MAP3K12: variants seen among roughly 807,000 people sequenced by gnomAD.
The protein encoded by MAP3K12 is mitogen-activated protein kinase kinase kinase 12.
Under a neutral mutation model 87.5 loss-of-function variants are expected in MAP3K12, and 14 were observed. The ratio of observed to expected loss-of-function variants is 0.16; its 90% CI spans 0.11 to 0.25. The LOEUF is 0.25. Ranked by LOEUF, MAP3K12 falls within the 10% of genes least tolerant of loss-of-function variation. MAP3K12 has a pLI of 1.00. For missense variants in MAP3K12, 802 were observed against 1,140.4 expected, an observed-to-expected ratio of 0.70 and a Z score of 4.27; for synonymous variants, 469 against 452.5, an observed-to-expected ratio of 1.04 and a Z score of -0.46.
At position 53,483,729 on chromosome 12, in the gene MAP3K12, A is replaced by G. The variant is rs1943144138; in HGVS notation, c.1359-6T>C. The G allele has an allele frequency of 6.2e-7, 1 of 1,613,758 alleles. No individual in the cohort carries two copies. The highest frequency in any genetic ancestry group is 1.7e-4 in the Middle Eastern group (1 of 5,814). On this transcript the variant is annotated splice_region_variant and splice_polypyrimidine_tract_variant and intron_variant, in intron 8 of 13. Transcript: ENST00000547488. ...CCCTGATGTCCAGGGCGTGTCTGCA[A>G]CGGGCAGAAAGGTTCCCCAAGGTGA...
chr12:53,492,092 G>A (rs1308835459), intron 1 of MAP3K12, among the ~76,000 whole-genome samples: 2 of 143,634 alleles, frequency 1.4e-5, no homozygotes, highest in African/African-American at 5.4e-5. Flanking sequence ...AAAAAAAAAA[G>A]AAGAAGAAGA....
At chr12:53,484,183 C>T in intron 7 of MAP3K12, 74 bp downstream of exon 7, 1 of 1,452,616 alleles carries the variant, frequency 6.9e-7, no homozygotes, top group South Asian at 1.2e-5. Flanking sequence ...ACCCATTTCC[C>T]AGCCTCCCCC....
chr12:53,499,224 C>T (rs1427514390), intron 1 of MAP3K12, among the ~76,000 whole-genome samples: 1 of 151,982 alleles, frequency 6.6e-6, no homozygotes, highest in African/African-American at 2.4e-5. Context: ...GCCGCGGCAT[C>T]CCTCCGCTCC....
intron 1 of MAP3K12, among the ~76,000 whole-genome samples, chr12:53,490,585 A>G (rs1217892606): frequency 6.6e-6 from 1 of 151,992 alleles, no homozygotes; most frequent in South Asian, 2.1e-4. Context: ...CTACTAAAAA[A>G]TACAAAAAAT....
upstream of MAP3K12, chr12:53,501,503 G>C (rs1449096811): frequency 6.4e-7 from 1 of 1,552,726 alleles, no homozygotes; most frequent in East Asian, 2.4e-5. Flanking sequence ...GAAAAGCGTG[G>C]GGCCGTGCGG....
rs1478579371 is a variant in MAP3K12, at chr12:53,486,177, C to T, written c.700G>A (p.Val234Ile). 3.1e-6 allele frequency: 5 copies of T among 1,613,974 alleles called. No homozygotes were observed. The Admixed American group carries it at 5.0e-5, about 16-fold the overall frequency. ...GTGACAGGGCGGCCAGCCCGCAGTA[C>T]CTCATACAGCTGGCCCTGGGCGCAG... is the stretch of plus-strand genomic sequence containing the variant. ...EFCAQGQLYE[V>I]LRAGRPVTPS... is the part of the protein sequence containing the mutation. The change falls in exon 4 of 14, where the codon GTA becomes ATA. Residue 234 changes from valine to isoleucine, a missense_variant. Around this residue, in one of 5 missense-constraint regions of MAP3K12, gnomAD observed 57 missense variants for 161.8 expected, o/e 0.35. Coordinates refer to ENST00000547488, the MANE Select transcript of MAP3K12 (RefSeq NM_001193511.2). This position sits in a 1 kb window ranked among gnomAD's most constrained non-coding sequence, Gnocchi z 4.9.
Position 53,483,076 on chromosome 12 carries a change from C to A in MAP3K12, c.1727G>T (p.Gly576Val), listed in dbSNP as rs1371761787. Residue 576 changes from glycine (G) to valine (V), a missense_variant, in exon 11 of 14, where the codon GGC (glycine) becomes GTC (valine). Around this residue, in one of 5 missense-constraint regions of MAP3K12, gnomAD observed 490 missense variants for 496.6 expected, o/e 0.99. Transcript: ENST00000547488. ...GPPSPGRSRR[G>V]KTRHRKASAK... The stretch of plus-strand genomic sequence containing the variant: ...GCTGGCCTTGCGGTGACGGGTCTTG[C>A]CACGGCGACTCCGTCCTGGTGAGGG... 6.5e-7 allele frequency: 1 copy of A among 1,538,206 alleles called. No homozygotes were observed. Among genetic ancestry groups the A allele is most frequent in the African/African-American group, 1.4e-5 (1 of 72,346 alleles).
chr12:53,491,301 A>AAAAAAAAAAAAAAAAAAAAAG (rs796169121), intron 1 of MAP3K12, among the ~76,000 whole-genome samples: 5 of 101,562 alleles, frequency 4.9e-5, no homozygotes, highest in African/African-American at 7.5e-5. Context: ...AAAAAAAAAA[A>AAAAAAAAAAAAAAAAAAAAAG]AAAAGAAAAG....
At chr12:53,498,781 A>G (rs886205464) in intron 1 of MAP3K12, among the ~76,000 whole-genome samples, 3 of 151,754 alleles carry the variant, frequency 2.0e-5, no homozygotes, top group Non-Finnish European at 2.9e-5. Flanking sequence ...ATGGAGGTGA[A>G]TGCCACAGCT....
In MAP3K12 at chr12:53,486,833, A is replaced by C. The variant is rs1396660658; in HGVS notation, c.445+114T>G. The C allele has an allele frequency of 6.5e-7, 1 of 1,544,130 alleles. No homozygotes were observed. The highest frequency in any genetic ancestry group is 8.7e-7 in the Non-Finnish European group (1 of 1,145,134). On this transcript the variant is annotated intron_variant, in intron 2 of 13. Coordinates refer to ENST00000547488, the MANE Select transcript of MAP3K12 (RefSeq NM_001193511.2). The surrounding 1 kb of genome is among the most constrained non-coding windows in gnomAD (Gnocchi z 4.9). ...TTAGAGGCTGATGGATGGCTAAGGG[A>C]CTAGGGCTGGGCCATGGGGAGGGAA...
At chr12:53,498,268 T>C (rs1943583751) in intron 1 of MAP3K12, among the ~76,000 whole-genome samples, 1 of 152,156 alleles carries the variant, frequency 6.6e-6, no homozygotes, top group Admixed American at 6.5e-5. Context: ...CTAAATCCTT[T>C]CTGTTAGCCT....
chr12:53,487,141 T>C lies in MAP3K12; in HGVS notation c.251A>G (p.His84Arg). Residue 84 changes from histidine (H) to arginine (R), a missense_variant, in exon 2 of 14, where the codon CAT becomes CGT. This residue lies in a region of MAP3K12 where 135 missense variants were observed against 151.6 expected (regional missense o/e 0.89). Transcript: ENST00000547488. ...EPFANSVLQLHEQDAGGPGGA... is the reference protein window; with the variant it reads ...EPFANSVLQLREQDAGGPGGA... ...CCCTGGGCCCCCTGCATCCTGCTCATGTAGCTGCAGGACACTGTTGGCAAA... is the reference window on the plus strand; with the variant it reads ...CCCTGGGCCCCCTGCATCCTGCTCACGTAGCTGCAGGACACTGTTGGCAAA... 6.2e-7 allele frequency: 1 copy of C among 1,614,036 alleles called. No homozygotes were observed. Among genetic ancestry groups the C allele is most frequent in the Non-Finnish European group, 8.5e-7 (1 of 1,179,974 alleles).
Position 53,479,730 on chromosome 12 carries a change from T to C in MAP3K12, c.*1452A>G, listed in dbSNP as rs1308460952. On this transcript the variant is annotated 3_prime_UTR_variant, in exon 14 of 14. Transcript: ENST00000547488. ...GTCATGGAAATGTAAGAGTGGAATA[T>C]TAATACATTTCAGTTTAGTTCTGTA... is the stretch of plus-strand genomic sequence containing the variant. 2 of 251,080 alleles carry C rather than the reference T, an allele frequency of 8.0e-6. No individual in the cohort carries two copies. Among genetic ancestry groups the C allele is most frequent in the Non-Finnish European group, 1.4e-5 (2 of 143,260 alleles). 15.6% of individuals were successfully genotyped at this position (251,080 alleles called of 1,614,324 possible). A position where few individuals can be genotyped will look rare whatever the true frequency, so the allele number is the denominator to read the frequency against.
intron 1 of MAP3K12, among the ~76,000 whole-genome samples, chr12:53,498,656 G>T (rs1046594989): frequency 6.6e-6 from 1 of 152,118 alleles, no homozygotes; most frequent in Non-Finnish European, 1.5e-5. Context: ...GGAAAGGGAG[G>T]AGGTTTTTGG....
intron 1 of MAP3K12, 69 bp from the exon 2 acceptor site, chr12:53,487,497 C>T (rs1412438313): frequency 6.8e-7 from 1 of 1,471,960 alleles, no homozygotes; most frequent in African/African-American, 1.4e-5. Flanking sequence ...GACACTTATC[C>T]CAGAGGCACA....
At position 53,481,956 on chromosome 12, in the gene MAP3K12, T is replaced by C. The variant is rs751637500; in HGVS notation, c.2565A>G (p.Glu855=). ...TGCCACTCACCCGCTCTCTGAGAAG[T>C]TCCTGGTGTGGAATGGGCAGGGAGC... ...EPSSLPIPHQ[E]LLRERGPPNS... is the part of the protein sequence containing the mutation. The change falls in exon 13 of 14, where the codon GAA becomes GAG. Residue 855 remains glutamate, a synonymous_variant. Transcript: ENST00000547488. The C allele has an allele frequency of 3.1e-6, 5 of 1,612,780 alleles. No homozygotes were observed. Among genetic ancestry groups the C allele is most frequent in the Non-Finnish European group, 4.2e-6 (5 of 1,178,882 alleles).
chr12:53,501,155 G>A, upstream of MAP3K12: 2 of 553,576 alleles, frequency 3.6e-6, no homozygotes, highest in Non-Finnish European at 6.4e-6. Context: ...CGACGGCGGA[G>A]GGCCCGCTCC....
Position 53,486,898 on chromosome 12 carries a change from C to A in MAP3K12, c.445+49G>T, listed in dbSNP as rs763575485. Reference sequence around the variant, plus strand: ...ACTTTAGCGGAGCTGACCAACAGATCTCGGGCTCAGGGAAACAGAGAGGAG... The same window carrying A: ...ACTTTAGCGGAGCTGACCAACAGATATCGGGCTCAGGGAAACAGAGAGGAG... On this transcript the variant is annotated intron_variant, in intron 2 of 13. Transcript: ENST00000547488. This position sits in a 1 kb window ranked among gnomAD's most constrained non-coding sequence, Gnocchi z 4.9. 6.3e-7 allele frequency: 1 copy of A among 1,599,740 alleles called. No individual in the cohort carries two copies. Among genetic ancestry groups the A allele is most frequent in the African/African-American group, 1.3e-5 (1 of 74,638 alleles).
Position 53,487,107 on chromosome 12 carries a change from A to G in MAP3K12, c.285T>C (p.Ala95=), listed in dbSNP as rs1453496662. 5.6e-6 allele frequency: 9 copies of G among 1,614,026 alleles called. No individual in the cohort carries two copies. The highest frequency in any genetic ancestry group is 6.8e-6 in the Non-Finnish European group (8 of 1,180,004). The part of the protein sequence containing the change: ...EQDAGGPGGA[A]GSPESRASRV... ...TGGATGCCCGACTCTCAGGTGACCCAGCTGCTCCCCCTGGGCCCCCTGCAT... is the reference window on the plus strand; with the variant it reads ...TGGATGCCCGACTCTCAGGTGACCCGGCTGCTCCCCCTGGGCCCCCTGCAT... Residue 95 remains alanine (A), a synonymous_variant, in exon 2 of 14, where the codon GCT becomes GCC. Transcript: ENST00000547488.
Sources: gnomAD v4.1 joint callset for allele counts (sites outside exome capture counted in the v4.1 genomes callset) on GRCh38, gnomAD v4.1.1 for gene constraint, gnomAD v4.1.1 regional missense constraint, Gnocchi (gnomAD v3.1) non-coding constraint, MANE v1.5 for transcripts, NCBI Gene and HGNC (gene_info 2026-07-23, HGNC 2026-07-21) for gene names.